Variants in SHISA6 observed in about 807,000 individuals in gnomAD.
The protein encoded by SHISA6 is protein shisa-6.
SHISA6 carries 22 observed loss-of-function variants against 47.9 expected under a neutral mutation model. The ratio of observed to expected loss-of-function variants is 0.46; its 90% CI spans 0.33 to 0.66. The LOEUF (loss-of-function observed/expected upper bound fraction) is 0.66, where lower values mean the gene tolerates loss of function less well. Ranked by LOEUF, SHISA6 falls within the 30% of genes least tolerant of loss-of-function variation. The pLI, the probability that SHISA6 is intolerant of heterozygous loss-of-function variation, is 0.02. For missense variants in SHISA6, 680 were observed against 764.6 expected (o/e 0.89, Z 1.30); for synonymous variants, 388 against 337.8 (o/e 1.15, Z -1.63).
chr17:11,332,870 C>G (rs1177153269), intron 2 of SHISA6, among the ~76,000 whole-genome samples: 1 of 152,122 alleles, frequency 6.6e-6, no homozygotes, highest in Non-Finnish European at 1.5e-5. Flanking sequence ...TGCCGAACCC[C>G]TGGCTCCAAA....
chr17:11,458,985 C>T (rs1318835926), intron 3 of SHISA6, among the ~76,000 whole-genome samples: 2 of 151,836 alleles, frequency 1.3e-5, no homozygotes, highest in Non-Finnish European at 2.9e-5. Flanking sequence ...GCAGGCGGAT[C>T]ATGAGGTCAG....
intron 3 of SHISA6, among the ~76,000 whole-genome samples, chr17:11,405,548 G>C (rs140394420): frequency 7.2e-5 from 11 of 152,174 alleles, no homozygotes; most frequent in African/African-American, 2.4e-4. Context: ...TCACACCTGT[G>C]ATCCCAGCAC....
chr17:11,361,252 T>C (rs963998988), intron 2 of SHISA6, among the ~76,000 whole-genome samples: 69 of 152,334 alleles, frequency 4.5e-4, no homozygotes, highest in Middle Eastern at 6.8e-3. Flanking sequence ...ATATACATTG[T>C]TTTCATTAGA....
At chr17:11,390,098 A>G (rs975090238) in intron 3 of SHISA6, among the ~76,000 whole-genome samples, 1 of 152,206 alleles carries the variant, frequency 6.6e-6, no homozygotes, top group South Asian at 2.1e-4. Flanking sequence ...GAGTAAAGAC[A>G]TTTCAGCCTC....
intron 3 of SHISA6, among the ~76,000 whole-genome samples, chr17:11,408,269 TC>T (rs1914021130): frequency 6.6e-6 from 1 of 152,214 alleles, no homozygotes; most frequent in Non-Finnish European, 1.5e-5. Context: ...TATCAGTATC[TC>T]TAAAGCAGTG....
In SHISA6 at chr17:11,365,733, T is replaced by G. The variant is rs531827106; in HGVS notation, c.800-13681T>G. Among the ~76,000 whole-genome samples the G allele has an allele frequency of 2.0e-4, 30 of 152,374 alleles. No individual in the cohort carries two copies. The South Asian group carries it at 6.2e-3, about 32-fold the overall frequency. ...GCCCAGCACTGCTCTAGGTACAGGA[T>G]ATCCCTCTTGTGGAAGCTTTAAGAA... is the stretch of plus-strand genomic sequence containing the variant. On this transcript the variant is annotated intron_variant, in intron 2 of 5. Transcript: ENST00000441885.
chr17:11,458,906 G>A (rs764800060), intron 3 of SHISA6, among the ~76,000 whole-genome samples: 3 of 151,972 alleles, frequency 2.0e-5, no homozygotes, highest in Non-Finnish European at 4.4e-5. Flanking sequence ...AAGGAGTTAT[G>A]GTGTAAAAGA....
At chr17:11,418,716 T>G (rs922056287) in intron 3 of SHISA6, among the ~76,000 whole-genome samples, 5 of 152,210 alleles carry the variant, frequency 3.3e-5, no homozygotes, top group African/African-American at 1.2e-4. Flanking sequence ...GTCATTTGGT[T>G]TGTTGAAAAG....
At chr17:11,428,969 A>G (rs2142287945) in intron 3 of SHISA6, among the ~76,000 whole-genome samples, 1 of 150,856 alleles carries the variant, frequency 6.6e-6, no homozygotes, top group East Asian at 1.9e-4. Context: ...TATTTTTAGT[A>G]GAAACGGTGT....
intron 2 of SHISA6, among the ~76,000 whole-genome samples, chr17:11,315,081 G>C (rs542952253): frequency 6.6e-6 from 1 of 152,116 alleles, no homozygotes; most frequent in Non-Finnish European, 1.5e-5. Flanking sequence ...AACATCTTGA[G>C]TTTTCATATC....
At chr17:11,341,183 A>T (rs1911514473) in intron 2 of SHISA6, among the ~76,000 whole-genome samples, 1 of 152,160 alleles carries the variant, frequency 6.6e-6, no homozygotes, top group African/African-American at 2.4e-5. Context: ...TTGTCTCACG[A>T]CTCACAGTTC....
intron 3 of SHISA6, among the ~76,000 whole-genome samples, chr17:11,490,192 A>G (rs1916439740): frequency 6.6e-6 from 1 of 152,178 alleles, no homozygotes; most frequent in Admixed American, 6.5e-5. Context: ...GTTCCTGGGT[A>G]GAGAGACCTT....
rs1363860933 is a variant in SHISA6, at chr17:11,557,877, C to T, written c.1229C>T (p.Pro410Leu). ...CAGAAGCCGTTGCCAAGGGAACGAC[C>T]CCGCCGGCCCATCCGGGCCATGTCC... ...SQQKPLPRER[P>L]RRPIRAMSQD... The change falls in exon 6 of 6, where the codon CCC becomes CTC. Residue 410 changes from proline to leucine, a missense_variant. Transcript: ENST00000441885. 6 of 1,551,386 alleles carry T rather than the reference C, an allele frequency of 3.9e-6. No homozygotes were observed. Among genetic ancestry groups the T allele is most frequent in the East Asian group, 2.4e-5 (1 of 40,912 alleles).
Position 11,561,443 on chromosome 17 carries a change from C to G in SHISA6, c.*3139C>G, listed in dbSNP as rs897373885. 6.6e-6 allele frequency: 1 copy of G among 152,504 alleles called. No homozygotes were observed. The highest frequency in any genetic ancestry group is 1.5e-5 in the Non-Finnish European group (1 of 68,296). The allele number at this position is 152,504 out of a possible 1,614,324, so 9.4% of individuals were successfully genotyped here. ...ACCTTCCCTGTCTTGCTCCAGGCTCCTGGCTCCATGCCTTCCTGTGTCAAA... is the reference window on the plus strand; with the variant it reads ...ACCTTCCCTGTCTTGCTCCAGGCTCGTGGCTCCATGCCTTCCTGTGTCAAA... On this transcript the variant is annotated 3_prime_UTR_variant, in exon 6 of 6. Coordinates refer to ENST00000441885, the MANE Select transcript of SHISA6 (RefSeq NM_207386.4).
intron 3 of SHISA6, among the ~76,000 whole-genome samples, chr17:11,511,540 T>C (rs549072885): frequency 6.6e-6 from 1 of 151,704 alleles, no homozygotes; most frequent in South Asian, 2.1e-4. Context: ...TGTTCATCAA[T>C]TGATGAATAG....
At chr17:11,483,030 G>A (rs369098366) in intron 3 of SHISA6, among the ~76,000 whole-genome samples, 13 of 152,066 alleles carry the variant, frequency 8.5e-5, no homozygotes, top group East Asian at 1.9e-4. Flanking sequence ...GGCCAGGCAC[G>A]GTGGTTCATG....
At chr17:11,530,168 TA>T (rs1369819364) in intron 3 of SHISA6, among the ~76,000 whole-genome samples, 6 of 152,152 alleles carry the variant, frequency 3.9e-5, no homozygotes, top group African/African-American at 1.4e-4. Context: ...GGAAAACAAT[TA>T]AGGACATACA....
chr17:11,399,712 G>A (rs1913700139), intron 3 of SHISA6, among the ~76,000 whole-genome samples: 1 of 152,124 alleles, frequency 6.6e-6, no homozygotes, highest in South Asian at 2.1e-4. Flanking sequence ...ATGAGGCACT[G>A]CGCCCAGCCC....
At chr17:11,552,585 G>T (rs538352707) in intron 4 of SHISA6, among the ~76,000 whole-genome samples, 1 of 152,166 alleles carries the variant, frequency 6.6e-6, no homozygotes. Flanking sequence ...CATAAATTGC[G>T]AATTATCAGT....
Sources: allele counts gnomAD v4.1 joint callset (sites outside exome capture counted in the v4.1 genomes callset), GRCh38; gene constraint gnomAD v4.1.1; transcripts MANE v1.5; gene names NCBI Gene and HGNC (gene_info 2026-07-23, HGNC 2026-07-21).